ACOT13: variants seen among roughly 807,000 people sequenced by gnomAD.
The protein encoded by ACOT13 is acyl-CoA thioesterase 13, also known as acyl-coenzyme A thioesterase 13.
In ACOT13, 10 loss-of-function variants were observed where a neutral mutation model predicts 11.8. The ratio of observed to expected loss-of-function variants is 0.85; its 90% CI spans 0.53 to 1.44. The LOEUF (loss-of-function observed/expected upper bound fraction) is 1.44, where lower values mean the gene tolerates loss of function less well. Among genes scored for constraint, ACOT13 ranks in the 40% most tolerant of loss-of-function variants. The pLI, the probability that ACOT13 is intolerant of heterozygous loss-of-function variation, is 0.00. For synonymous variants in ACOT13, 53 were observed against 61.0 expected (o/e 0.87, Z 0.61); for missense variants, 172 against 174.1 (o/e 0.99, Z 0.07).
chr6:24,674,407 G>T (rs111310955), intron 1 of ACOT13, among the ~76,000 whole-genome samples: 10 of 113,292 alleles, frequency 8.8e-5, no homozygotes, highest in Non-Finnish European at 1.7e-4. Flanking sequence ...GGGGGGTTTT[G>T]TTTGTTTTTT....
rs553489511 is a variant in ACOT13 at position 24,703,133 on chromosome 6, C to T, written c.*1518C>T. Reference sequence around the variant, plus strand: ...CTCAAGCAATCCTCCTGCCTTGGCCCCCCAAGTACTGGACTTACAGGTGTG... The same window carrying T: ...CTCAAGCAATCCTCCTGCCTTGGCCTCCCAAGTACTGGACTTACAGGTGTG... On this transcript the variant is annotated 3_prime_UTR_variant, in exon 3 of 3. Coordinates refer to ENST00000230048, the MANE Select transcript of ACOT13 (RefSeq NM_018473.4). 6.6e-6 allele frequency: 1 copy of T among 152,314 alleles called. No homozygotes were observed. Among genetic ancestry groups the T allele is most frequent in the African/African-American group, 2.4e-5 (1 of 41,456 alleles). The allele number at this position is 152,314 out of a possible 1,614,324, so 9.4% of individuals were successfully genotyped here.
At chr6:24,676,153 A>T (rs1181910166) in intron 1 of ACOT13, among the ~76,000 whole-genome samples, 1 of 152,252 alleles carries the variant, frequency 6.6e-6, no homozygotes, top group Non-Finnish European at 1.5e-5. Context: ...GAAGTCAGGT[A>T]GCGTGATGCC....
chr6:24,680,615 C>CA (rs1395177580), intron 1 of ACOT13, among the ~76,000 whole-genome samples: 1 of 152,134 alleles, frequency 6.6e-6, no homozygotes, highest in Non-Finnish European at 1.5e-5. Context: ...CTCTTGACCA[C>CA]AAAGAAAGGG....
At chr6:24,690,506 C>CA in intron 1 of ACOT13, among the ~76,000 whole-genome samples, 1 of 152,164 alleles carries the variant, frequency 6.6e-6, no homozygotes, top group East Asian at 1.9e-4. Flanking sequence ...TGCCACTTAC[C>CA]AGCCTTTGGG....
chr6:24,669,956 GGAAAA>G (rs973073302), intron 1 of ACOT13, among the ~76,000 whole-genome samples: 7 of 151,990 alleles, frequency 4.6e-5, no homozygotes, highest in Non-Finnish European at 7.4e-5. Context: ...GGAAAAAAAA[GGAAAA>G]GAAAAGAAAA....
chr6:24,701,740 A>G lies in ACOT13; in HGVS notation c.*125A>G, dbSNP rs1287459184. The G allele has an allele frequency of 8.8e-6, 9 of 1,025,518 alleles. No homozygotes were observed. Among genetic ancestry groups the G allele is most frequent in the Non-Finnish European group, 1.1e-5 (8 of 729,788 alleles). 63.5% of individuals were successfully genotyped at this position (1,025,518 alleles called of 1,614,324 possible). A position where few individuals can be genotyped will look rare whatever the true frequency, so the allele number is the denominator to read the frequency against. ...GCAGCTAGAAATATTCTTGGAGGAA[A>G]AGGACCTGGATATCAAGTAGGGTAA... On this transcript the variant is annotated 3_prime_UTR_variant, in exon 3 of 3. Coordinates refer to ENST00000230048, the MANE Select transcript of ACOT13 (RefSeq NM_018473.4).
Position 24,704,944 on chromosome 6 carries a change from T to G in ACOT13, c.*3329T>G, listed in dbSNP as rs1200923930. The G allele has an allele frequency of 1.3e-5, 2 of 152,346 alleles. No individual in the cohort carries two copies. Among genetic ancestry groups the G allele is most frequent in the African/African-American group, 4.8e-5 (2 of 41,404 alleles). 9.4% of individuals were successfully genotyped at this position (152,346 alleles called of 1,614,324 possible). ...TTCTTTTTTTCTTTTTTTTTCAAAT[T>G]CCAACCAGAAGCTAAATACAATTGG... is the stretch of plus-strand genomic sequence containing the variant. On this transcript the variant is annotated 3_prime_UTR_variant, in exon 3 of 3. Coordinates refer to ENST00000230048, the MANE Select transcript of ACOT13 (RefSeq NM_018473.4).
chr6:24,689,613 C>T (rs1778691508), intron 1 of ACOT13, among the ~76,000 whole-genome samples: 1 of 151,992 alleles, frequency 6.6e-6, no homozygotes, highest in Admixed American at 6.6e-5. Context: ...TTTGTATACC[C>T]TGTGTATATA....
At chr6:24,669,147 G>C (rs1041762620) in intron 1 of ACOT13, among the ~76,000 whole-genome samples, 4 of 152,220 alleles carry the variant, frequency 2.6e-5, no homozygotes, top group South Asian at 4.1e-4. Flanking sequence ...ATTTTGCCAA[G>C]GTTGAGGATG....
rs1778693038 is a variant in ACOT13, at chr6:24,689,688, G to C, written c.82-8195G>C. 3.9e-5 allele frequency among the ~76,000 whole-genome samples: 6 copies of C among 152,196 alleles called. No homozygotes were observed. In the South Asian group the frequency reaches 1.2e-3, roughly 32 times the overall value. On this transcript the variant is annotated intron_variant, in intron 1 of 2. Transcript: ENST00000230048. The stretch of plus-strand genomic sequence containing the variant: ...CCGAAAGAGTAGTAGGTAGGAAATT[G>C]TACTTCTATGCTGCTTTATATATGT...
chr6:24,684,007 T>C (rs1412766548), intron 1 of ACOT13, among the ~76,000 whole-genome samples: 1 of 151,910 alleles, frequency 6.6e-6, no homozygotes, highest in East Asian at 2.0e-4. Flanking sequence ...AATGTTTTAA[T>C]GCATGCATGT....
Position 24,701,848 on chromosome 6 carries a change from T to C in ACOT13, c.*233T>C. 2 of 406,432 alleles carry C rather than the reference T, an allele frequency of 4.9e-6. No individual in the cohort carries two copies. The highest frequency in any genetic ancestry group is 8.7e-6 in the Non-Finnish European group (2 of 229,208). 25.2% of individuals were successfully genotyped at this position (406,432 alleles called of 1,614,324 possible). A position where few individuals can be genotyped will look rare whatever the true frequency, so the allele number is the denominator to read the frequency against. ...TGGGTGAAAAATTCTTAGCTCAAAGTGTTTTAAAAACAGGTAAAGCAAAGA... is the reference window on the plus strand; with the variant it reads ...TGGGTGAAAAATTCTTAGCTCAAAGCGTTTTAAAAACAGGTAAAGCAAAGA... On this transcript the variant is annotated 3_prime_UTR_variant, in exon 3 of 3. Transcript: ENST00000230048.
At chr6:24,680,040 AG>A (rs1275036846) in intron 1 of ACOT13, among the ~76,000 whole-genome samples, 1 of 152,086 alleles carries the variant, frequency 6.6e-6, no homozygotes, top group African/African-American at 2.4e-5. Flanking sequence ...TTTGGGTAAA[AG>A]GGGGGTCCCT....
intron 1 of ACOT13, among the ~76,000 whole-genome samples, chr6:24,687,010 T>C (rs1459049236): frequency 6.6e-6 from 1 of 152,242 alleles, no homozygotes; most frequent in Non-Finnish European, 1.5e-5. Context: ...CACCTCTCAC[T>C]AGGCCCTACC....
rs10946719 is a variant in ACOT13 at position 24,702,736 on chromosome 6, T to A, written c.*1121T>A. ...AAAGACCTCAAGAAAAGTTTGAGGC[T>A]AAGCATGTTAGTGTTACAGGAAATG... On this transcript the variant is annotated 3_prime_UTR_variant, in exon 3 of 3. Coordinates refer to ENST00000230048, the MANE Select transcript of ACOT13 (RefSeq NM_018473.4). 116,006 of 152,138 alleles carry A rather than the reference T, an allele frequency of 0.76. 44,603 individuals are homozygous for A. Among genetic ancestry groups the A allele is most frequent in the African/African-American group, 0.85 (35,309 of 41,514 alleles). 9.4% of individuals were successfully genotyped at this position (152,138 alleles called of 1,614,324 possible).
At chr6:24,672,362 T>C (rs1778378855) in intron 1 of ACOT13, among the ~76,000 whole-genome samples, 1 of 152,178 alleles carries the variant, frequency 6.6e-6, no homozygotes, top group Non-Finnish European at 1.5e-5. Context: ...AATTTCTAAC[T>C]GGGCGTGGTG....
At chr6:24,672,053 T>C (rs906786823) in intron 1 of ACOT13, among the ~76,000 whole-genome samples, 12 of 152,230 alleles carry the variant, frequency 7.9e-5, no homozygotes, top group Non-Finnish European at 1.5e-4. Flanking sequence ...CTTAAAGGAC[T>C]AATTAGGTCA....
At chr6:24,700,182 C>T (rs183617654) in intron 2 of ACOT13, among the ~76,000 whole-genome samples, 29 of 152,320 alleles carry the variant, frequency 1.9e-4, no homozygotes, top group Admixed American at 1.7e-3. Flanking sequence ...TAGAGTATTA[C>T]TGACAAAATG....
intron 2 of ACOT13, chr6:24,700,806 T>C (rs1232575886): frequency 6.6e-6 from 1 of 152,182 alleles, no homozygotes; most frequent in Non-Finnish European, 1.5e-5. Context: ...AAAATACATA[T>C]CCTTTTTAAA....
Sources: allele counts gnomAD v4.1 joint callset (sites outside exome capture counted in the v4.1 genomes callset), GRCh38; gene constraint gnomAD v4.1.1; transcripts MANE v1.5; gene names NCBI Gene and HGNC (gene_info 2026-07-23, HGNC 2026-07-21).